The following MAPK10 variants were observed in gnomAD, a reference collection of about 807,000 sequenced individuals.
MAPK10 encodes the protein mitogen-activated protein kinase 10.
In MAPK10, 25 loss-of-function variants were observed where a neutral mutation model predicts 59.3. The observed-to-expected ratio is 0.42, with a 90% CI of 0.31 to 0.59. The LOEUF (loss-of-function observed/expected upper bound fraction) is 0.59, where lower values mean the gene tolerates loss of function less well. MAPK10 is among the 20% of genes least tolerant of loss of function. MAPK10 has a pLI of 0.15. For missense variants in MAPK10, 351 were observed against 568.9 expected (o/e 0.62, Z 3.90); for synonymous variants, 190 against 200.5 (o/e 0.95, Z 0.44).
At chr4:86,250,295 G>A (rs540704442) in intron 2 of MAPK10, among the ~76,000 whole-genome samples, 2 of 152,112 alleles carry the variant, frequency 1.3e-5, no homozygotes, top group African/African-American at 4.8e-5. Context: ...GAGGCAAGTG[G>A]CTGGTTTTAA....
intron 4 of MAPK10, among the ~76,000 whole-genome samples, chr4:86,136,234 C>A (rs1468675176): frequency 6.6e-6 from 1 of 152,078 alleles, no homozygotes; most frequent in Non-Finnish European, 1.5e-5. Context: ...ACATAATTGT[C>A]AGATTCACCA....
chr4:86,237,883 A>T (rs1236031684), intron 2 of MAPK10, among the ~76,000 whole-genome samples: 1 of 151,924 alleles, frequency 6.6e-6, no homozygotes, highest in Non-Finnish European at 1.5e-5. Flanking sequence ...CTTTTGTTGC[A>T]ATTCCTTTTG....
rs183599567 is a variant in MAPK10 at position 86,556,525 on chromosome 4, C to A, written c.-263+37385G>T. 3.8e-3 allele frequency among the ~76,000 whole-genome samples: 575 copies of A among 152,130 alleles called. 8 individuals carry two copies. Among genetic ancestry groups the A allele is most frequent in the African/African-American group, 0.013 (556 of 41,522 alleles). ...CACAAATAGAGAAATGTTTTTAGAT[C>A]ATATTGAGGCAGAGGAACCTGCAAA... On this transcript the variant is annotated intron_variant, in intron 1 of 4. Coordinates refer to the MAPK10 transcript ENST00000502302.
intron 1 of MAPK10, among the ~76,000 whole-genome samples, chr4:86,385,379 C>T (rs1260364755): frequency 1.3e-5 from 2 of 152,142 alleles, no homozygotes; most frequent in African/African-American, 2.4e-5. Flanking sequence ...TTAGAAATGG[C>T]ATAACCTTTC....
intron 1 of MAPK10, among the ~76,000 whole-genome samples, chr4:86,433,147 G>A (rs1020217618): frequency 6.6e-6 from 1 of 152,188 alleles, no homozygotes; most frequent in African/African-American, 2.4e-5. Context: ...AATATGAGAA[G>A]CAAGTGGATT....
chr4:86,565,075 G>A (rs896525390), intron 1 of MAPK10, among the ~76,000 whole-genome samples: 1 of 152,184 alleles, frequency 6.6e-6, no homozygotes, highest in Non-Finnish European at 1.5e-5. Flanking sequence ...GTGGCAGCCA[G>A]ATGGCTCCCA....
chr4:86,220,090 A>G (rs924313509), intron 2 of MAPK10, among the ~76,000 whole-genome samples: 2 of 152,178 alleles, frequency 1.3e-5, no homozygotes, highest in African/African-American at 2.4e-5. Flanking sequence ...TAAGATATCA[A>G]TTATAAAACT....
At chr4:86,296,070 G>C (rs1220298048) in intron 2 of MAPK10, among the ~76,000 whole-genome samples, 3 of 151,328 alleles carry the variant, frequency 2.0e-5, no homozygotes, top group Non-Finnish European at 4.4e-5. Context: ...CAGCTACTCG[G>C]GAGGCTGAGG....
At chr4:86,568,693 G>A (rs1054976669) in intron 1 of MAPK10, among the ~76,000 whole-genome samples, 6 of 152,096 alleles carry the variant, frequency 3.9e-5, no homozygotes, top group African/African-American at 1.4e-4. Flanking sequence ...ATACACTGGG[G>A]AAAGGATACT....
chr4:86,030,890 A>T (rs1026778333), intron 12 of MAPK10, among the ~76,000 whole-genome samples: 1 of 152,226 alleles, frequency 6.6e-6, no homozygotes, highest in Admixed American at 6.5e-5. Flanking sequence ...GGCTACTCAG[A>T]TACACATATT....
At chr4:86,041,077 C>T (rs1200540433) in intron 11 of MAPK10, 1 of 152,118 alleles carries the variant, frequency 6.6e-6, no homozygotes, top group African/African-American at 2.4e-5. Context: ...CTCACAACAC[C>T]CTAATACTGT....
intron 4 of MAPK10, among the ~76,000 whole-genome samples, chr4:86,127,991 A>G (rs2060342629): frequency 6.6e-6 from 1 of 152,004 alleles, no homozygotes; most frequent in African/African-American, 2.4e-5. Flanking sequence ...TACTCAAATA[A>G]TTTTAGGCAC....
At chr4:86,247,789 A>G (rs1278614280) in intron 2 of MAPK10, among the ~76,000 whole-genome samples, 1 of 152,180 alleles carries the variant, frequency 6.6e-6, no homozygotes, top group African/African-American at 2.4e-5. Flanking sequence ...GAGATTTATA[A>G]TAGAGAAAAG....
chr4:86,364,871 T>C (rs143436111), upstream of MAPK10, among the ~76,000 whole-genome samples: 598 of 152,000 alleles, frequency 3.9e-3, 3 homozygotes, highest in African/African-American at 0.014. Flanking sequence ...TCCCAGCTAA[T>C]TGGGAGGCTG....
rs1751970122 is a variant in MAPK10, at chr4:86,029,218, T to C, written c.1231A>G (p.Lys411Glu). 1 of 1,610,590 alleles carries C rather than the reference T, an allele frequency of 6.2e-7. No homozygotes were observed. The change falls in exon 13 of 14, where the codon AAA becomes GAA. Residue 411 changes from lysine to glutamate, a missense_variant. By Grantham distance (56) the Lys-to-Glu change is moderately conservative. Around this residue, in one of 5 missense-constraint regions of MAPK10, gnomAD observed 155 missense variants for 204.2 expected, o/e 0.76. Transcript: ENST00000641462. ...SEEKTKNGVV[K>E]GQPSPSGAAV... ...GTACCTGAAGGAGAAGGCTGTCCTT[T>C]TACTACACCATTTTTAGTCTTTTCT...
intron 2 of MAPK10, among the ~76,000 whole-genome samples, chr4:86,265,591 AC>A (rs1215168990): frequency 2.0e-5 from 3 of 152,102 alleles, no homozygotes; most frequent in African/African-American, 7.2e-5. Flanking sequence ...TGTTTGAGTA[AC>A]CATTTATATA....
At chr4:86,097,355 C>T (rs1008665965) in intron 9 of MAPK10, among the ~76,000 whole-genome samples, 2 of 151,926 alleles carry the variant, frequency 1.3e-5, no homozygotes, top group Non-Finnish European at 2.9e-5. Context: ...TAAATACAAG[C>T]TTATTATGGT....
chr4:86,283,568 G>C (rs1309146707), intron 2 of MAPK10, among the ~76,000 whole-genome samples: 1 of 152,200 alleles, frequency 6.6e-6, no homozygotes, highest in Non-Finnish European at 1.5e-5. Flanking sequence ...TTCCCAGAAG[G>C]CTGGAGCTGT....
intron 1 of MAPK10, among the ~76,000 whole-genome samples, chr4:86,491,474 C>T (rs1180887722): frequency 1.3e-5 from 2 of 152,170 alleles, no homozygotes; most frequent in Admixed American, 1.3e-4. Context: ...CCTACATGCT[C>T]ACCAGAGTTA....
Sources: allele counts gnomAD v4.1 joint callset (sites outside exome capture counted in the v4.1 genomes callset), GRCh38; gene constraint gnomAD v4.1.1; regional missense constraint gnomAD v4.1.1; transcripts MANE v1.5; gene names NCBI Gene and HGNC (gene_info 2026-07-23, HGNC 2026-07-21).